The following TP63 variants were observed in gnomAD, a reference collection of about 807,000 sequenced individuals.
TP63 encodes the protein tumor protein p63.
Under a neutral mutation model 82.8 loss-of-function variants are expected in TP63, and 17 were observed. The ratio of observed to expected loss-of-function variants is 0.21; its 90% CI spans 0.14 to 0.31. The LOEUF is 0.31. Among genes scored for constraint, TP63 ranks in the 10% least tolerant of loss-of-function variants. TP63 has a pLI of 1.00. For synonymous variants in TP63, 330 were observed against 321.7 expected (o/e 1.03, Z -0.28); for missense variants, 648 against 895.3 (o/e 0.72, Z 3.52).
intron 3 of TP63, among the ~76,000 whole-genome samples, chr3:189,777,044 A>G (rs2108568947): frequency 6.6e-6 from 1 of 152,330 alleles, no homozygotes; most frequent in African/African-American, 2.4e-5. Context: ...GGAAGCTTAA[A>G]GCTGAAGTAT....
At chr3:189,841,383 G>A (rs1258122049) in intron 4 of TP63, among the ~76,000 whole-genome samples, 1 of 152,196 alleles carries the variant, frequency 6.6e-6, no homozygotes, top group African/African-American at 2.4e-5. Flanking sequence ...AGATGGGTGA[G>A]TGATGGTGTC....
intron 1 of TP63, among the ~76,000 whole-genome samples, chr3:189,653,320 T>C (rs1920265): frequency 0.9 from 136,383 of 152,192 alleles, 62,490 homozygotes; most frequent in Non-Finnish European, 0.98. Flanking sequence ...AAAACATCCT[T>C]CAACAGCCTG....
At chr3:189,817,918 A>C (rs1318205219) in intron 4 of TP63, among the ~76,000 whole-genome samples, 1 of 151,924 alleles carries the variant, frequency 6.6e-6, no homozygotes, top group Non-Finnish European at 1.5e-5. Context: ...AATTTACTCC[A>C]TTTAAAAAAT....
rs142102522 is a variant in TP63, at chr3:189,781,015, T to C, written c.325-27257T>C. ...CATAGTGAGGGACTGGTGTCCTTTA[T>C]AAGCGTAGAGAAAATCCGAGAACGT... On this transcript the variant is annotated intron_variant, in intron 3 of 13. Transcript: ENST00000264731. 3.0e-3 allele frequency among the ~76,000 whole-genome samples: 460 copies of C among 152,266 alleles called. 5 individuals carry two copies. The highest frequency in any genetic ancestry group is 0.021 in the East Asian group (110 of 5,170).
chr3:189,611,944 A>T, the TP63 span, among the ~76,000 whole-genome samples: 9 of 152,224 alleles, frequency 5.9e-5, no homozygotes, highest in Non-Finnish European at 8.8e-5. Flanking sequence ...TTGGTGGTGT[A>T]TAGGAATACT....
chr3:189,839,600 T>C (rs570100983), intron 4 of TP63, among the ~76,000 whole-genome samples: 5 of 152,332 alleles, frequency 3.3e-5, no homozygotes, highest in East Asian at 3.8e-4. Flanking sequence ...TAGTCAAAGA[T>C]TGATCTCCAG....
At chr3:189,747,145 A>G (rs2108515435) in intron 3 of TP63, among the ~76,000 whole-genome samples, 1 of 152,244 alleles carries the variant, frequency 6.6e-6, no homozygotes. Flanking sequence ...ACTTCAGTAC[A>G]GTAATAGTTG....
At chr3:189,847,212 G>A (rs920988831) in intron 4 of TP63, among the ~76,000 whole-genome samples, 2 of 152,034 alleles carry the variant, frequency 1.3e-5, no homozygotes, top group African/African-American at 4.8e-5. Flanking sequence ...ACAAAAATTA[G>A]CTAGGTGTGG....
At chr3:189,863,524 G>A (rs1292539855) in intron 4 of TP63, among the ~76,000 whole-genome samples, 1 of 152,104 alleles carries the variant, frequency 6.6e-6, no homozygotes, top group Admixed American at 6.6e-5. Flanking sequence ...TTGTGAGTGA[G>A]AAGATCTGCA....
intron 10 of TP63, among the ~76,000 whole-genome samples, chr3:189,882,190 G>A (rs368855963): frequency 1.3e-5 from 2 of 151,912 alleles, no homozygotes; most frequent in Admixed American, 6.6e-5. Flanking sequence ...AGTATGTTTC[G>A]TTTTTTGATA....
intron 4 of TP63, among the ~76,000 whole-genome samples, chr3:189,842,592 GGGGAGCAC>G (rs1714296090): frequency 6.6e-6 from 1 of 152,168 alleles, no homozygotes; most frequent in Non-Finnish European, 1.5e-5. Context: ...TTGAGGGGCA[GGGGAGCAC>G]ATAGATGTCC....
chr3:189,649,308 T>A lies in TP63; in HGVS notation c.62+17731T>A, dbSNP rs141288452. Among the ~76,000 whole-genome samples the A allele has an allele frequency of 2.0e-5, 3 of 146,918 alleles. 1 individual carries two copies. The East Asian group carries it at 7.1e-4, about 35-fold the overall frequency. On this transcript the variant is annotated intron_variant, in intron 1 of 13. Coordinates refer to ENST00000264731, the MANE Select transcript of TP63 (RefSeq NM_003722.5). ...CTATGCAGCGTGAAAAAGAATGAGATCATGTCGTTTGCAGGAACATGGATA... is the reference window on the plus strand; with the variant it reads ...CTATGCAGCGTGAAAAAGAATGAGAACATGTCGTTTGCAGGAACATGGATA...
At chr3:189,725,357 A>G (rs1719695310) in intron 1 of TP63, among the ~76,000 whole-genome samples, 1 of 152,210 alleles carries the variant, frequency 6.6e-6, no homozygotes, top group South Asian at 2.1e-4. Flanking sequence ...AAAAAATAAA[A>G]CATAGGACTT....
chr3:189,819,650 T>C (rs1728579933), intron 4 of TP63, among the ~76,000 whole-genome samples: 1 of 152,080 alleles, frequency 6.6e-6, no homozygotes, highest in Non-Finnish European at 1.5e-5. Context: ...CTTTTACAAA[T>C]AGAATTGTCA....
intron 3 of TP63, among the ~76,000 whole-genome samples, chr3:189,805,094 T>C (rs1001375278): frequency 2.2e-4 from 33 of 152,266 alleles, no homozygotes; most frequent in African/African-American, 8.0e-4. Context: ...TCATGACTTT[T>C]GAAATACAGT....
chr3:189,896,246 G>A lies in TP63; in HGVS notation c.*1744G>A, dbSNP rs531234843. ...TGTGTGGATTGCCTCTGAAAAGTGT[G>A]TATATATTTTGTGTGAAATTGCATA... is the stretch of plus-strand genomic sequence containing the variant. On this transcript the variant is annotated 3_prime_UTR_variant, in exon 14 of 14. Transcript: ENST00000264731. 3 of 219,540 alleles carry A rather than the reference G, an allele frequency of 1.4e-5. No individual in the cohort carries two copies. Among genetic ancestry groups the A allele is most frequent in the Admixed American group, 5.8e-5 (1 of 17,302 alleles). 13.6% of individuals were successfully genotyped at this position (219,540 alleles called of 1,614,324 possible).
chr3:189,734,166 C>CCCTT (rs1166775487), intron 1 of TP63, among the ~76,000 whole-genome samples: 1 of 117,860 alleles, frequency 8.5e-6, no homozygotes, highest in Non-Finnish European at 1.7e-5. Context: ...CTCCCTCCCT[C>CCCTT]CCTTCTTTTT....
At chr3:189,881,540 T>G in intron 10 of TP63, 1 of 984,166 alleles carries the variant, frequency 1.0e-6, no homozygotes, top group Non-Finnish European at 1.2e-6. Context: ...TTTTTTCCAC[T>G]AAATACTAGA....
chr3:189,783,195 T>G (rs1724358773), intron 3 of TP63, among the ~76,000 whole-genome samples: 1 of 151,906 alleles, frequency 6.6e-6, no homozygotes, highest in Admixed American at 6.6e-5. Context: ...ACATAATGCA[T>G]TCAATGAACT....
Sources: allele counts gnomAD v4.1 joint callset (sites outside exome capture counted in the v4.1 genomes callset), GRCh38; gene constraint gnomAD v4.1.1; transcripts MANE v1.5; gene names NCBI Gene and HGNC (gene_info 2026-07-23, HGNC 2026-07-21).